MAGI2: variants seen among roughly 807,000 people sequenced by gnomAD.
The protein encoded by MAGI2 is membrane associated guanylate kinase, WW and PDZ domain containing 2, also known as membrane-associated guanylate kinase, WW and PDZ domain-containing protein 2.
A neutral mutation model predicts 133.3 loss-of-function variants in MAGI2; 35 were observed. That is an observed-to-expected ratio of 0.26 (90% CI 0.20 to 0.35). MAGI2 has a LOEUF of 0.35. Among genes scored for constraint, MAGI2 ranks in the 10% least tolerant of loss-of-function variants. The probability of loss-of-function intolerance (pLI) is 1.00; values close to 1 mark genes in which losing one functional copy is unlikely to be tolerated. For synonymous variants in MAGI2, 729 were observed against 710.6 expected (o/e 1.03, Z -0.41); for missense variants, 1,636 against 1,863.4 (o/e 0.88, Z 2.25).
chr7:79,270,840 C>A (rs1834821962), intron 1 of MAGI2, among the ~76,000 whole-genome samples: 1 of 152,116 alleles, frequency 6.6e-6, no homozygotes, highest in Middle Eastern at 3.4e-3. Flanking sequence ...TTTTCTTTCC[C>A]ACATTCTCTA....
intron 2 of MAGI2, among the ~76,000 whole-genome samples, chr7:78,718,508 A>C (rs925529605): frequency 1.3e-5 from 2 of 152,020 alleles, no homozygotes; most frequent in African/African-American, 2.4e-5. Context: ...AGACTCTCAT[A>C]GAAGCAGGAA....
intron 6 of MAGI2, among the ~76,000 whole-genome samples, chr7:78,385,635 C>G (rs887368767): frequency 1.3e-5 from 2 of 152,020 alleles, no homozygotes; most frequent in Non-Finnish European, 2.9e-5. Flanking sequence ...TGTTCTTTAC[C>G]AAAATAATTT....
chr7:78,758,940 G>C (rs76035883), intron 2 of MAGI2, among the ~76,000 whole-genome samples: 2 of 151,954 alleles, frequency 1.3e-5, no homozygotes, highest in Non-Finnish European at 2.9e-5. Flanking sequence ...TTGTTTACAC[G>C]TCTATCTCCC....
rs71515391 is a variant in MAGI2 at position 78,161,667 on chromosome 7, T to TAAAA, written c.2597-1398_2597-1395dup. 2.7e-3 allele frequency among the ~76,000 whole-genome samples: 186 copies of TAAAA among 68,870 alleles called. 3 individuals carry two copies. Among genetic ancestry groups the TAAAA allele is most frequent in the Non-Finnish European group, 3.6e-3 (137 of 37,736 alleles). The allele number at this position is 68,870 out of a possible 152,430, so 45.2% of individuals were successfully genotyped here. A position where few individuals can be genotyped will look rare whatever the true frequency, so the allele number is the denominator to read the frequency against. ...AGAGACGTTTTGTTACATCGATACC[T>TAAAA]AAAAAAAAAAAAAAAAAAAAGAAAA... On this transcript the variant is annotated intron_variant, in intron 15 of 21. Transcript: ENST00000354212.
chr7:78,231,563 T>C (rs1789975484), intron 10 of MAGI2, among the ~76,000 whole-genome samples: 1 of 152,242 alleles, frequency 6.6e-6, no homozygotes, highest in African/African-American at 2.4e-5. Flanking sequence ...AACACTTCTA[T>C]GCGTCCCTAA....
At chr7:78,168,792 G>A (rs1019510814) in intron 14 of MAGI2, among the ~76,000 whole-genome samples, 53 of 152,276 alleles carry the variant, frequency 3.5e-4, no homozygotes, top group African/African-American at 1.2e-3. Context: ...TTTAAATTCT[G>A]ACAAAGATTG....
chr7:78,481,857 A>C (rs191616070), intron 6 of MAGI2, among the ~76,000 whole-genome samples: 1 of 151,936 alleles, frequency 6.6e-6, no homozygotes, highest in Non-Finnish European at 1.5e-5. Context: ...TAGATTGAAG[A>C]GTTCTTAGAC....
At chr7:78,393,859 T>A (rs1311078134) in intron 6 of MAGI2, among the ~76,000 whole-genome samples, 1 of 152,230 alleles carries the variant, frequency 6.6e-6, no homozygotes, top group Non-Finnish European at 1.5e-5. Flanking sequence ...TTGCAGAACA[T>A]GTGAATATAA....
intron 1 of MAGI2, among the ~76,000 whole-genome samples, chr7:79,300,589 G>A (rs1837316567): frequency 6.6e-6 from 1 of 152,178 alleles, no homozygotes; most frequent in Non-Finnish European, 1.5e-5. Flanking sequence ...AAGGATAGCA[G>A]AGCATAAAAA....
chr7:78,334,114 G>T lies in MAGI2; in HGVS notation c.1408+9664C>A, dbSNP rs1328485558. On this transcript the variant is annotated intron_variant, in intron 9 of 21. Transcript: ENST00000354212. Reference sequence around the variant, plus strand: ...AGGCTTTCTTGCAGCTCTTTCTCAGGGAATGTTTAATGAACAACCAGGAAA... The same window carrying T: ...AGGCTTTCTTGCAGCTCTTTCTCAGTGAATGTTTAATGAACAACCAGGAAA... 2.0e-5 allele frequency among the ~76,000 whole-genome samples: 3 copies of T among 152,124 alleles called. No homozygotes were observed. In the East Asian group the frequency reaches 5.8e-4, roughly 29 times the overall value.
intron 21 of MAGI2, among the ~76,000 whole-genome samples, chr7:78,071,043 C>T (rs1033948788): frequency 2.6e-5 from 4 of 151,984 alleles, no homozygotes; most frequent in African/African-American, 9.7e-5. Context: ...GGGCAGGGCA[C>T]AAAATATCCT....
intron 20 of MAGI2, among the ~76,000 whole-genome samples, chr7:78,079,934 T>C (rs768686927): frequency 1.3e-5 from 2 of 152,196 alleles, no homozygotes; most frequent in Non-Finnish European, 2.9e-5. Flanking sequence ...ATGTCTCATC[T>C]CAGTGCAAGT....
chr7:78,475,364 G>T (rs1791638647), intron 6 of MAGI2, among the ~76,000 whole-genome samples: 1 of 152,016 alleles, frequency 6.6e-6, no homozygotes, highest in Non-Finnish European at 1.5e-5. Flanking sequence ...GTAAACTATT[G>T]TGAGCAGTGA....
chr7:78,769,320 A>G (rs113967491), intron 2 of MAGI2, among the ~76,000 whole-genome samples: 4 of 151,964 alleles, frequency 2.6e-5, no homozygotes, highest in African/African-American at 7.3e-5. Context: ...CCACACATGC[A>G]TGGGTCTTTC....
At chr7:79,100,013 A>C (rs112775567) in intron 1 of MAGI2, among the ~76,000 whole-genome samples, 15 of 152,264 alleles carry the variant, frequency 9.9e-5, no homozygotes, top group African/African-American at 3.1e-4. Flanking sequence ...TTTTAGAAGA[A>C]TCTTATAGTG....
intron 1 of MAGI2, among the ~76,000 whole-genome samples, chr7:79,092,508 TCAA>T (rs745434225): frequency 1.6e-4 from 24 of 152,140 alleles, no homozygotes; most frequent in East Asian, 5.8e-4. Flanking sequence ...AATAGCAATA[TCAA>T]CAACAACAAA....
At chr7:78,387,162 G>A (rs1795460088) in intron 6 of MAGI2, among the ~76,000 whole-genome samples, 1 of 152,164 alleles carries the variant, frequency 6.6e-6, no homozygotes, top group Non-Finnish European at 1.5e-5. Flanking sequence ...TTTATTTTAG[G>A]AGATTTTGGT....
At chr7:78,310,383 T>C (rs889739444) in intron 9 of MAGI2, among the ~76,000 whole-genome samples, 27 of 152,136 alleles carry the variant, frequency 1.8e-4, no homozygotes, top group African/African-American at 6.0e-4. Context: ...TGCAGTGAGC[T>C]GAGATCACGT....
chr7:78,665,217 C>T (rs1198740463), intron 2 of MAGI2, among the ~76,000 whole-genome samples: 4 of 151,784 alleles, frequency 2.6e-5, no homozygotes, highest in Non-Finnish European at 4.4e-5. Context: ...GTTCTTGATA[C>T]GTGGTATCAA....
Sources: allele counts gnomAD v4.1 joint callset (sites outside exome capture counted in the v4.1 genomes callset), GRCh38; gene constraint gnomAD v4.1.1; transcripts MANE v1.5; gene names NCBI Gene and HGNC (gene_info 2026-07-23, HGNC 2026-07-21).